KCNH7: variants seen among roughly 807,000 people sequenced by gnomAD.
KCNH7 encodes the protein voltage-gated inwardly rectifying potassium channel KCNH7.
Under a neutral mutation model 120.8 loss-of-function variants are expected in KCNH7, and 49 were observed. The ratio of observed to expected loss-of-function variants is 0.41; its 90% CI spans 0.32 to 0.51. KCNH7 has a LOEUF of 0.51. Ranked by LOEUF, KCNH7 falls within the 20% of genes least tolerant of loss-of-function variation. The pLI, the probability that KCNH7 is intolerant of heterozygous loss-of-function variation, is 0.38. For missense variants in KCNH7, 1,097 were observed against 1,446.6 expected, an observed-to-expected ratio of 0.76 and a Z score of 3.92; for synonymous variants, 547 against 516.1, an observed-to-expected ratio of 1.06 and a Z score of -0.81.
intron 9 of KCNH7, among the ~76,000 whole-genome samples, chr2:162,417,740 G>T (rs572827028): frequency 1.3e-5 from 2 of 152,220 alleles, no homozygotes; most frequent in East Asian, 3.9e-4. Context: ...CTGTAAATAA[G>T]TCCTCCTTGA....
chr2:162,396,661 T>C lies in KCNH7; in HGVS notation c.2613+79A>G, dbSNP rs1399063274. 1.4e-5 allele frequency: 15 copies of C among 1,083,286 alleles called. 2 individuals are homozygous for C. In the African/African-American group the frequency reaches 1.9e-4, roughly 14 times the overall value. 67.1% of individuals were successfully genotyped at this position (1,083,286 alleles called of 1,614,324 possible). A position where few individuals can be genotyped will look rare whatever the true frequency, so the allele number is the denominator to read the frequency against. On this transcript the variant is annotated intron_variant, in intron 11 of 15. Transcript: ENST00000332142. The stretch of plus-strand genomic sequence containing the variant: ...AGTCTTGCTGCAATATTTTGCTTGA[T>C]TTTTCAGAAGTATTTGTGCAATTCA...
rs370978611 is a variant in KCNH7, at chr2:162,567,855, T to C, written c.308-30775A>G. Among the ~76,000 whole-genome samples the C allele has an allele frequency of 6.6e-5, 10 of 152,144 alleles. No homozygotes were observed. The East Asian group carries it at 1.4e-3, about 21-fold the overall frequency. ...TGAAAGACTATATATAGGATGGTGG[T>C]CCCATAAGATTATAATACCATATTT... On this transcript the variant is annotated intron_variant, in intron 2 of 15. Coordinates refer to ENST00000332142, the MANE Select transcript of KCNH7 (RefSeq NM_033272.4).
At chr2:162,711,893 A>G (rs1411960384) in intron 2 of KCNH7, among the ~76,000 whole-genome samples, 1 of 152,166 alleles carries the variant, frequency 6.6e-6, no homozygotes, top group Non-Finnish European at 1.5e-5. Context: ...AACAAAAAAA[A>G]TGCTAAGGGC....
chr2:162,834,742 CT>C (rs1377226013), intron 2 of KCNH7, among the ~76,000 whole-genome samples: 2 of 152,114 alleles, frequency 1.3e-5, no homozygotes, highest in Non-Finnish European at 2.9e-5. Flanking sequence ...CATTGCACAA[CT>C]TTCAAAACAT....
intron 2 of KCNH7, among the ~76,000 whole-genome samples, chr2:162,644,254 T>C (rs552362683): frequency 6.6e-4 from 100 of 151,954 alleles, no homozygotes; most frequent in Non-Finnish European, 1.1e-3. Flanking sequence ...AAGTAAGAAG[T>C]GATTTAAATA....
intron 9 of KCNH7, among the ~76,000 whole-genome samples, chr2:162,406,210 T>G (rs1014995770): frequency 6.6e-6 from 1 of 151,966 alleles, no homozygotes; most frequent in Non-Finnish European, 1.5e-5. Context: ...TTCCTTTTTT[T>G]TTAAACGCCA....
intron 6 of KCNH7, among the ~76,000 whole-genome samples, chr2:162,464,862 G>T (rs1425729541): frequency 6.6e-6 from 1 of 151,878 alleles, no homozygotes; most frequent in African/African-American, 2.4e-5. Flanking sequence ...TTCTATGTTG[G>T]CGTCTAAAGT....
chr2:162,812,850 C>T (rs900371166), intron 2 of KCNH7, among the ~76,000 whole-genome samples: 10 of 152,012 alleles, frequency 6.6e-5, no homozygotes, highest in African/African-American at 2.4e-4. Context: ...GAGAGTTGAC[C>T]GGAGTGTATT....
intron 7 of KCNH7, among the ~76,000 whole-genome samples, chr2:162,444,110 A>G (rs1023334336): frequency 6.6e-6 from 1 of 152,106 alleles, no homozygotes; most frequent in Non-Finnish European, 1.5e-5. Flanking sequence ...CTGCTTTGCT[A>G]TCATCACAGC....
intron 6 of KCNH7, among the ~76,000 whole-genome samples, chr2:162,458,097 C>T (rs1256884690): frequency 7.4e-6 from 1 of 135,122 alleles, no homozygotes; most frequent in Non-Finnish European, 1.5e-5. Context: ...AGATATTTGG[C>T]TATGTGCGTG....
chr2:162,514,327 T>TGTCA (rs1350869319), intron 4 of KCNH7, among the ~76,000 whole-genome samples: 4 of 151,828 alleles, frequency 2.6e-5, no homozygotes, highest in African/African-American at 2.4e-5. Context: ...TGAATGTGTC[T>TGTCA]GTCAGAAGCT....
chr2:162,722,196 C>G (rs1273147372), intron 2 of KCNH7, among the ~76,000 whole-genome samples: 1 of 151,820 alleles, frequency 6.6e-6, no homozygotes, highest in African/African-American at 2.4e-5. Context: ...TTAAAAATAG[C>G]ATAGTAAGTG....
intron 12 of KCNH7, among the ~76,000 whole-genome samples, chr2:162,386,291 CCT>C (rs1686569699): frequency 6.6e-6 from 1 of 151,800 alleles, no homozygotes; most frequent in Admixed American, 6.6e-5. Flanking sequence ...CCTCCTTAAA[CCT>C]CTAAAATTCC....
intron 2 of KCNH7, among the ~76,000 whole-genome samples, chr2:162,642,749 C>A (rs1207168861): frequency 6.6e-6 from 1 of 152,184 alleles, no homozygotes; most frequent in African/African-American, 2.4e-5. Context: ...GTGACACTTG[C>A]CTAACTCAAA....
At chr2:162,698,814 C>T (rs1686389203) in intron 2 of KCNH7, among the ~76,000 whole-genome samples, 1 of 151,650 alleles carries the variant, frequency 6.6e-6, no homozygotes, top group Non-Finnish European at 1.5e-5. Flanking sequence ...TTTAAAATAC[C>T]CCCTATGTTA....
intron 2 of KCNH7, among the ~76,000 whole-genome samples, chr2:162,646,648 T>A (rs1286587590): frequency 6.6e-6 from 1 of 152,180 alleles, no homozygotes; most frequent in African/African-American, 2.4e-5. Context: ...TAAGAAGGAC[T>A]TGATGAGCTG....
intron 13 of KCNH7, among the ~76,000 whole-genome samples, chr2:162,381,433 C>T (rs1191358952): frequency 6.6e-6 from 1 of 152,080 alleles, no homozygotes; most frequent in Non-Finnish European, 1.5e-5. Context: ...AATGCATCCT[C>T]TTTCTCCAAG....
intron 6 of KCNH7, among the ~76,000 whole-genome samples, chr2:162,480,748 C>A (rs1206365408): frequency 1.3e-5 from 2 of 152,028 alleles, no homozygotes; most frequent in South Asian, 2.1e-4. Context: ...AGATAGTCAT[C>A]CATGATATGA....
intron 3 of KCNH7, among the ~76,000 whole-genome samples, chr2:162,522,726 T>C (rs1691574652): frequency 6.6e-6 from 1 of 151,890 alleles, no homozygotes; most frequent in Admixed American, 6.6e-5. Flanking sequence ...GTTTTGCACA[T>C]ACTTTTACAC....
Sources: gnomAD v4.1 joint callset for allele counts (sites outside exome capture counted in the v4.1 genomes callset) on GRCh38, gnomAD v4.1.1 for gene constraint, MANE v1.5 for transcripts, NCBI Gene and HGNC (gene_info 2026-07-23, HGNC 2026-07-21) for gene names.